Variants in MEMO1 observed in about 807,000 individuals in gnomAD.
MEMO1 encodes protein MEMO1.
In MEMO1, 6 loss-of-function variants were observed where a neutral mutation model predicts 45.2. The observed-to-expected ratio is 0.13, with a 90% CI of 0.07 to 0.26. The LOEUF (loss-of-function observed/expected upper bound fraction) is 0.26. MEMO1 is among the 10% of genes least tolerant of loss of function. The pLI, the probability that MEMO1 is intolerant of heterozygous loss-of-function variation, is 1.00. For missense variants in MEMO1, 184 were observed against 370.5 expected (o/e 0.50, Z 4.13); for synonymous variants, 78 against 124.3 (o/e 0.63, Z 2.48).
intron 6 of MEMO1, 130 bp from the exon 7 acceptor site, chr2:31,892,264 G>T (rs929633257): frequency 9.1e-6 from 7 of 772,066 alleles, no homozygotes; most frequent in Non-Finnish European, 1.4e-5. Flanking sequence ...TATTATTGAT[G>T]AATTCTTAAA....
chr2:31,933,252 TATTACAGTGAGCTATGATCACGCCCAC>T (rs541577015), intron 3 of MEMO1, among the ~76,000 whole-genome samples: 1,440 of 137,390 alleles, frequency 0.01, 26 homozygotes, highest in South Asian at 0.053. Flanking sequence ...CCAAGTTCTA[TATTACAGTGAGCTATGATCACGCCCAC>T]ACACCAGCCT....
intron 2 of MEMO1, among the ~76,000 whole-genome samples, chr2:31,968,846 C>T (rs1457452723): frequency 6.6e-6 from 1 of 152,088 alleles, no homozygotes; most frequent in Non-Finnish European, 1.5e-5. Context: ...AGGACACTTC[C>T]ATTCCATTTT....
At chr2:31,943,695 A>C (rs1665880628) in intron 2 of MEMO1, among the ~76,000 whole-genome samples, 1 of 152,244 alleles carries the variant, frequency 6.6e-6, no homozygotes, top group African/African-American at 2.4e-5. Flanking sequence ...CAGGAAGCAG[A>C]AACTCTCAGT....
At chr2:31,889,349 C>T (rs991548854) in intron 7 of MEMO1, among the ~76,000 whole-genome samples, 13 of 151,930 alleles carry the variant, frequency 8.6e-5, no homozygotes, top group Non-Finnish European at 1.9e-4. Flanking sequence ...GAACTGAATC[C>T]CTCCTGTGAA....
intron 2 of MEMO1, among the ~76,000 whole-genome samples, chr2:31,966,066 C>T (rs1668580188): frequency 6.6e-6 from 1 of 152,140 alleles, no homozygotes. Context: ...CATATGTTTG[C>T]TAAAAGCCAA....
intron 7 of MEMO1, 110 bp downstream of exon 7, chr2:31,891,882 A>G: frequency 8.5e-7 from 1 of 1,179,754 alleles, no homozygotes; most frequent in South Asian, 1.6e-5. Context: ...CAGAAGTAAA[A>G]CTTTCCAAGG....
intron 2 of MEMO1, among the ~76,000 whole-genome samples, chr2:31,979,895 A>G (rs1242405752): frequency 6.6e-6 from 1 of 152,056 alleles, no homozygotes; most frequent in Non-Finnish European, 1.5e-5. Flanking sequence ...TTACTATGTA[A>G]TTAGTAAATA....
chr2:31,922,840 T>C (rs949455773), intron 4 of MEMO1, among the ~76,000 whole-genome samples: 1 of 152,122 alleles, frequency 6.6e-6, no homozygotes. Context: ...ACATAGTGTA[T>C]ATATGTACCA....
chr2:31,969,094 G>A (rs1668969634), intron 2 of MEMO1, among the ~76,000 whole-genome samples: 1 of 151,630 alleles, frequency 6.6e-6, no homozygotes. Flanking sequence ...TCCCAATAAT[G>A]TCTATTCCAT....
intron 2 of MEMO1, among the ~76,000 whole-genome samples, chr2:31,978,632 T>C (rs1166628974): frequency 6.6e-6 from 1 of 152,130 alleles, no homozygotes; most frequent in Non-Finnish European, 1.5e-5. Context: ...GGGGTCTTGC[T>C]GTGTTGCCCA....
intron 2 of MEMO1, among the ~76,000 whole-genome samples, chr2:31,948,847 A>G (rs1666481729): frequency 6.6e-6 from 1 of 152,226 alleles, no homozygotes; most frequent in African/African-American, 2.4e-5. Context: ...GAATAAATTA[A>G]CCACATTTCA....
intron 2 of MEMO1, among the ~76,000 whole-genome samples, chr2:31,999,022 T>C (rs1415396141): frequency 1.3e-5 from 2 of 152,184 alleles, no homozygotes; most frequent in African/African-American, 4.8e-5. Context: ...TCACTGCTAA[T>C]GCTCAGGGAT....
intron 2 of MEMO1, among the ~76,000 whole-genome samples, chr2:31,978,969 A>C (rs903317050): frequency 2.0e-5 from 3 of 150,536 alleles, no homozygotes; most frequent in Admixed American, 1.3e-4. Flanking sequence ...ATCCCCCCCC[A>C]AAAAAAAGTC....
At position 31,986,293 on chromosome 2, in the gene MEMO1, G is replaced by A. The variant is rs116126072; in HGVS notation, c.61+23894C>T. 2.8e-3 allele frequency among the ~76,000 whole-genome samples: 423 copies of A among 151,984 alleles called. 4 individuals are homozygous for A. The highest frequency in any genetic ancestry group is 9.8e-3 in the African/African-American group (405 of 41,448). ...AGGGGCCTGTAGTCCCAGCCAGTCG[G>A]GAGGCTGAGACAGAATACAAACAAA... On this transcript the variant is annotated intron_variant, in intron 2 of 9. Coordinates refer to ENST00000404530, the MANE Select transcript of MEMO1 (RefSeq NM_001301833.4).
chr2:31,997,888 GA>G (rs555939687), intron 2 of MEMO1, among the ~76,000 whole-genome samples: 116 of 152,314 alleles, frequency 7.6e-4, no homozygotes, highest in African/African-American at 2.6e-3. Context: ...CAACCAGTAG[GA>G]AGCTCTCCCA....
intron 2 of MEMO1, among the ~76,000 whole-genome samples, chr2:31,993,754 G>A (rs1672219902): frequency 6.6e-6 from 1 of 152,006 alleles, no homozygotes; most frequent in Non-Finnish European, 1.5e-5. Flanking sequence ...TCTGAGTGGA[G>A]ATACCTCACT....
intron 5 of MEMO1, among the ~76,000 whole-genome samples, chr2:31,918,268 C>A (rs1681761141): frequency 6.6e-6 from 1 of 152,012 alleles, no homozygotes; most frequent in Non-Finnish European, 1.5e-5. Context: ...ACAGGTAAAA[C>A]AGTAATACGT....
At chr2:31,880,046 T>C (rs1675120550) in intron 8 of MEMO1, among the ~76,000 whole-genome samples, 3 of 152,296 alleles carry the variant, frequency 2.0e-5, no homozygotes, top group South Asian at 2.1e-4. Flanking sequence ...CAGCTCTCTA[T>C]ATTGTAATGG....
rs397800267 is a variant in MEMO1 at position 31,993,949 on chromosome 2, C to CTTTTT, written c.61+16233_61+16237dup. Among the ~76,000 whole-genome samples, 119 of 73,618 alleles carry CTTTTT rather than the reference C, an allele frequency of 1.6e-3. 10 individuals carry two copies. Among genetic ancestry groups the CTTTTT allele is most frequent in the African/African-American group, 2.1e-3 (44 of 20,524 alleles). 48.3% of individuals were successfully genotyped at this position (73,618 alleles called of 152,430 possible). On this transcript the variant is annotated intron_variant, in intron 2 of 9. Transcript: ENST00000404530. ...AATACAGAAATATCATCAATACTTTCTTTTTTTTTTTTTTTTTTTTTTTTT... is the reference window on the plus strand; with the variant it reads ...AATACAGAAATATCATCAATACTTTCTTTTTTTTTTTTTTTTTTTTTTTTTTTTTT...
Sources: gnomAD v4.1 joint callset for allele counts (sites outside exome capture counted in the v4.1 genomes callset) on GRCh38, gnomAD v4.1.1 for gene constraint, MANE v1.5 for transcripts, NCBI Gene and HGNC (gene_info 2026-07-23, HGNC 2026-07-21) for gene names.